Variants in RANBP2 observed in about 807,000 individuals in gnomAD.
RANBP2 encodes the protein RAN binding protein 2.
A neutral mutation model predicts 303.6 loss-of-function variants in RANBP2; 57 were observed. The ratio of observed to expected loss-of-function variants is 0.19; its 90% confidence interval spans 0.15 to 0.23. RANBP2 has a LOEUF of 0.23. RANBP2 is among the 10% of genes least tolerant of loss of function. The pLI, the probability that RANBP2 is intolerant of heterozygous loss-of-function variation, is 1.00. For synonymous variants in RANBP2, 1,167 were observed against 1,301.5 expected (o/e 0.90, Z 2.23); for missense variants, 3,138 against 3,780.8 (o/e 0.83, Z 4.46).
At chr2:109,316,969 A>T in the RANBP2 span, among the ~76,000 whole-genome samples, 47,452 of 151,764 alleles carry the variant, frequency 0.31, 9,186 homozygotes, top group African/African-American at 0.55. Context: ...ATGTCTTTTC[A>T]TGGCTTCATA....
the RANBP2 span, among the ~76,000 whole-genome samples, chr2:109,275,677 G>A: frequency 6.6e-6 from 1 of 152,164 alleles, no homozygotes. Flanking sequence ...CTGGATGCTT[G>A]ATTAGCGCGT....
At chr2:109,548,197 G>A in the RANBP2 span, among the ~76,000 whole-genome samples, 1 of 151,726 alleles carries the variant, frequency 6.6e-6, no homozygotes, top group Non-Finnish European at 1.5e-5. Flanking sequence ...AAAAACTAGG[G>A]TCTTAAGCCA....
At chr2:108,849,176 C>T in the RANBP2 span, among the ~76,000 whole-genome samples, 1 of 151,940 alleles carries the variant, frequency 6.6e-6, no homozygotes, top group African/African-American at 2.4e-5. Context: ...AAATGAATTA[C>T]ACAGAGAAAA....
chr2:108,753,733 T>A, intron 14 of RANBP2, 92 bp from the exon 15 acceptor site: 1 of 1,605,210 alleles, frequency 6.2e-7, no homozygotes. Context: ...CCCGAGTAGC[T>A]GGGATTACAG....
the RANBP2 span, among the ~76,000 whole-genome samples, chr2:109,456,044 T>G: frequency 6.6e-6 from 1 of 152,200 alleles, no homozygotes; most frequent in African/African-American, 2.4e-5. Flanking sequence ...TGCTCTGTCA[T>G]CAGGTGCAGC....
At chr2:109,509,950 A>G in the RANBP2 span, among the ~76,000 whole-genome samples, 1 of 152,228 alleles carries the variant, frequency 6.6e-6, no homozygotes, top group South Asian at 2.1e-4. Context: ...AGGGCAAAGT[A>G]CTAAGGGATC....
chr2:109,404,536 A>G, the RANBP2 span, among the ~76,000 whole-genome samples: 1 of 152,108 alleles, frequency 6.6e-6, no homozygotes, highest in Non-Finnish European at 1.5e-5. Flanking sequence ...GCTGGCCACA[A>G]GCACAGTCAA....
At chr2:109,135,882 A>G in the RANBP2 span, among the ~76,000 whole-genome samples, 2 of 152,088 alleles carry the variant, frequency 1.3e-5, no homozygotes, top group South Asian at 4.2e-4. Context: ...AAGGGAAAAA[A>G]CGTCTAAGCC....
chr2:109,347,716 G>A, the RANBP2 span: 65 of 1,613,740 alleles, frequency 4.0e-5, no homozygotes, highest in Non-Finnish European at 4.9e-5. Flanking sequence ...CTACAGCTAC[G>A]AGGGGAAGGA....
the RANBP2 span, among the ~76,000 whole-genome samples, chr2:108,976,109 G>A: frequency 2.0e-5 from 3 of 152,154 alleles, no homozygotes; most frequent in Non-Finnish European, 2.9e-5. Context: ...GATGTCCTTA[G>A]TTTTCTCCTA....
the RANBP2 span, among the ~76,000 whole-genome samples, chr2:108,826,696 C>G: frequency 6.6e-6 from 1 of 152,156 alleles, no homozygotes; most frequent in Non-Finnish European, 1.5e-5. Context: ...AATCTTCCAA[C>G]TTTGTCCTTC....
At chr2:109,233,689 C>T in the RANBP2 span, among the ~76,000 whole-genome samples, 1 of 152,240 alleles carries the variant, frequency 6.6e-6, no homozygotes, top group African/African-American at 2.4e-5. Flanking sequence ...AGATGCAGAG[C>T]TCTATCCTTT....
At chr2:108,964,728 C>T in the RANBP2 span, among the ~76,000 whole-genome samples, 2 of 152,180 alleles carry the variant, frequency 1.3e-5, no homozygotes, top group Admixed American at 6.5e-5. Flanking sequence ...CTCTCCGTTA[C>T]GCCACACTCA....
the RANBP2 span, among the ~76,000 whole-genome samples, chr2:109,647,131 T>C: frequency 6.7e-6 from 1 of 149,558 alleles, no homozygotes; most frequent in Non-Finnish European, 1.5e-5. Flanking sequence ...TTGGGAAGTG[T>C]CAGCCACTCA....
chr2:109,554,876 T>C, the RANBP2 span, among the ~76,000 whole-genome samples: 1 of 152,200 alleles, frequency 6.6e-6, no homozygotes, highest in Admixed American at 6.5e-5. Context: ...CTGGAATCAC[T>C]GTATGTAGAA....
the RANBP2 span, among the ~76,000 whole-genome samples, chr2:109,297,083 G>T: frequency 6.6e-6 from 1 of 152,064 alleles, no homozygotes; most frequent in Non-Finnish European, 1.5e-5. Context: ...GTCCAGGTGG[G>T]GGGTGACCGG....
the RANBP2 span, chr2:109,564,651 T>C: frequency 1.1e-6 from 1 of 876,856 alleles, no homozygotes; most frequent in African/African-American, 1.7e-5. Context: ...TAGCAAATGA[T>C]CAGTTTGATT....
At chr2:108,886,292 A>G in the RANBP2 span, among the ~76,000 whole-genome samples, 1 of 152,118 alleles carries the variant, frequency 6.6e-6, no homozygotes, top group Admixed American at 6.5e-5. Context: ...AGCTCTTCTG[A>G]CTGGGGTAAG....
the RANBP2 span, among the ~76,000 whole-genome samples, chr2:109,345,284 G>A: frequency 1.3e-5 from 2 of 152,096 alleles, no homozygotes; most frequent in African/African-American, 2.4e-5. Flanking sequence ...GAAGGCTGAT[G>A]GTGGGGAGGC....
Sources: gnomAD v4.1 joint callset for allele counts (sites outside exome capture counted in the v4.1 genomes callset) on GRCh38, gnomAD v4.1.1 for gene constraint, MANE v1.5 for transcripts, NCBI Gene and HGNC (gene_info 2026-07-23, HGNC 2026-07-21) for gene names.